The following SYNM variants were observed in gnomAD, a reference collection of about 807,000 sequenced individuals.
SYNM encodes desmuslin.
A neutral mutation model predicts 104.0 loss-of-function variants in SYNM; 95 were observed. That is an observed-to-expected ratio of 0.91 (90% CI 0.77 to 1.08). The LOEUF (loss-of-function observed/expected upper bound fraction) is 1.08. Ranked by LOEUF, SYNM falls within the 50% of genes least tolerant of loss-of-function variation. SYNM has a pLI of 0.00. For missense variants in SYNM, 2,150 were observed against 2,052.2 expected, an observed-to-expected ratio of 1.05 and a Z score of -0.92; for synonymous variants, 918 against 869.0, an observed-to-expected ratio of 1.06 and a Z score of -0.99.
intron 1 of SYNM, among the ~76,000 whole-genome samples, chr15:99,112,584 A>G (rs1430526064): frequency 1.3e-5 from 2 of 152,250 alleles, no homozygotes; most frequent in Non-Finnish European, 2.9e-5. Context: ...AGAAGGCCGC[A>G]GTATCTCCCT....
intron 2 of SYNM, among the ~76,000 whole-genome samples, chr15:99,126,444 C>A (rs2242075): frequency 3.9e-5 from 6 of 152,248 alleles, no homozygotes; most frequent in Non-Finnish European, 5.9e-5. Flanking sequence ...AAGCCCTGGC[C>A]TGGTCATTTT....
chr15:99,139,698 GA>G (rs2067998876), downstream of SYNM: 23 of 1,375,766 alleles, frequency 1.7e-5, no homozygotes, highest in Non-Finnish European at 2.1e-5. Context: ...GTACTGACCA[GA>G]GGATGGGCTC....
chr15:99,122,697 G>A (rs1257230363), intron 2 of SYNM, among the ~76,000 whole-genome samples: 1 of 152,134 alleles, frequency 6.6e-6, no homozygotes, highest in African/African-American at 2.4e-5. Flanking sequence ...CAACTATTTG[G>A]GTGTGGTGGC....
At chr15:99,138,868 G>A (rs1555488556), downstream of SYNM, among the ~76,000 whole-genome samples, 3 of 152,228 alleles carry the variant, frequency 2.0e-5, no homozygotes, top group African/African-American at 7.2e-5. Context: ...GCTCTGTGAG[G>A]TAGGCCCTCC....
In SYNM at chr15:99,131,268, G is replaced by A. The variant is rs552082607; in HGVS notation, c.2908G>A (p.Ala970Thr). The A allele has an allele frequency of 1.5e-5, 24 of 1,611,342 alleles. No homozygotes were observed. Among genetic ancestry groups the A allele is most frequent in the Admixed American group, 1.0e-4 (6 of 59,642 alleles). The part of the protein sequence containing the change: ...LPERMREELS[A>T]LTREGQGGPG... ...CGAGCGCATGAGGGAGGAGCTGTCC[G>A]CCCTCACCAGAGAGGGGCAGGGTGG... is the stretch of plus-strand genomic sequence containing the variant. The change falls in exon 4 of 4, where the codon GCC (alanine) becomes ACC (threonine). Residue 970 changes from alanine to threonine, a missense_variant. Transcript: ENST00000336292. This position sits in a 1 kb window ranked among gnomAD's most constrained non-coding sequence, Gnocchi z 4.3.
intron 3 of SYNM, 51 bp from the exon 4 acceptor site, chr15:99,129,316 A>C: frequency 6.3e-7 from 1 of 1,587,460 alleles, no homozygotes; most frequent in Non-Finnish European, 8.6e-7. Context: ...GTAGATGGAA[A>C]AGGGTAATGA....
At position 99,132,844 on chromosome 15, in the gene SYNM, G is replaced by A. The variant is rs2067527127; in HGVS notation, c.4484G>A (p.Ser1495Asn). 6.2e-7 allele frequency: 1 copy of A among 1,613,978 alleles called. No homozygotes were observed. Among genetic ancestry groups the A allele is most frequent in the Non-Finnish European group, 8.5e-7 (1 of 1,179,884 alleles). The change falls in exon 4 of 4, where the codon AGT becomes AAT. Residue 1495 changes from serine to asparagine, a missense_variant. Physicochemically the swap from Ser to Asn is conservative, Grantham distance 46. Transcript: ENST00000336292. ...SDRGSWRDAD[S>N]RNDQAVGVSF... ...CGTGGTTCCTGGAGAGACGCGGACAGTAGGAATGACCAGGCAGTTGGTGTG... is the reference window on the plus strand; with the variant it reads ...CGTGGTTCCTGGAGAGACGCGGACAATAGGAATGACCAGGCAGTTGGTGTG...
rs782457136 is a variant in SYNM, at chr15:99,130,802, CG to C, written c.2443del (p.Val815TrpfsTer4). The C allele has an allele frequency of 3.1e-6, 5 of 1,613,814 alleles. No individual in the cohort carries two copies. ...TKQPQENTTH[V>X]EEVTEAGDSE... ...AGCAGCCTCAGGAGAACACGACTCA[CG>C]TGGAAGAAGTGACAGAGGCAGGTGA... On this transcript the variant is annotated frameshift_variant, in exon 4 of 4. Coordinates refer to ENST00000336292, the MANE Select transcript of SYNM (RefSeq NM_145728.3). LOFTEE classifies it high-confidence loss of function.
chr15:99,115,602 C>T (rs1295518042), intron 2 of SYNM, among the ~76,000 whole-genome samples: 1 of 151,772 alleles, frequency 6.6e-6, no homozygotes, highest in Non-Finnish European at 1.5e-5. Flanking sequence ...GCTGGGACTA[C>T]AGGCCCCTGC....
rs1555482556 is a variant in SYNM at position 99,105,703 on chromosome 15, C to G, written c.504C>G (p.Ala168=). ...CCAGCCTTACCATGCATTTCCGCGC[C>G]CGCGCCACCGGCCCCGCCGCGCCGC... The part of the protein sequence containing the change: ...RAASLTMHFR[A]RATGPAAPPP... The change falls in exon 1 of 4, where the codon GCC becomes GCG. Residue 168 remains alanine (A), a synonymous_variant. Coordinates refer to ENST00000336292, the MANE Select transcript of SYNM (RefSeq NM_145728.3). The G allele has an allele frequency of 6.7e-7, 1 of 1,487,802 alleles. No individual in the cohort carries two copies. Among genetic ancestry groups the G allele is most frequent in the East Asian group, 2.8e-5 (1 of 35,366 alleles). 92.2% of individuals were successfully genotyped at this position (1,487,802 alleles called of 1,614,324 possible).
rs782328262 is a variant in SYNM at position 99,132,858 on chromosome 15, G to A, written c.4498G>A (p.Ala1500Thr). ...WRDADSRNDQ[A>T]VGVSFKASAG... is the part of the protein sequence containing the mutation. ...AGACGCGGACAGTAGGAATGACCAG[G>A]CAGTTGGTGTGAGCTTTAAGGCCTC... Residue 1500 changes from alanine to threonine, a missense_variant, in exon 4 of 4, where the codon GCA (alanine) becomes ACA (threonine). Ala to Thr is a moderately conservative substitution (Grantham distance 58). Transcript: ENST00000336292. The A allele has an allele frequency of 4.6e-5, 74 of 1,613,940 alleles. No homozygotes were observed. The African/African-American group carries it at 7.7e-4, about 17-fold the overall frequency.
rs782136413 is a variant in SYNM, at chr15:99,132,743, C to G, written c.4383C>G (p.Thr1461=). The change falls in exon 4 of 4, where the codon ACC becomes ACG. Residue 1461 remains threonine (T), a synonymous_variant. Coordinates refer to ENST00000336292, the MANE Select transcript of SYNM (RefSeq NM_145728.3). ...CAGGGCCCAAAGAAACTTCGTTTAC[C>G]TTTCAGATGGATGTGAGTAACGTAG... ...IAPGPKETSF[T]FQMDVSNVEA... 1.2e-6 allele frequency: 2 copies of G among 1,613,812 alleles called. No homozygotes were observed. Among genetic ancestry groups the G allele is most frequent in the East Asian group, 2.2e-5 (1 of 44,876 alleles).
At chr15:99,116,259 G>T (rs1284743593) in intron 2 of SYNM, among the ~76,000 whole-genome samples, 1 of 152,226 alleles carries the variant, frequency 6.6e-6, no homozygotes, top group Admixed American at 6.5e-5. Context: ...AATTAAATTG[G>T]TAGGGCATTG....
chr15:99,128,060 TAGAG>T lies in SYNM; in HGVS notation c.1006+1270_1006+1273del, dbSNP rs2067463853. Among the ~76,000 whole-genome samples, 3 of 152,252 alleles carry T rather than the reference TAGAG, an allele frequency of 2.0e-5. No homozygotes were observed. In the East Asian group the frequency reaches 5.8e-4, roughly 29 times the overall value. On this transcript the variant is annotated intron_variant, in intron 3 of 3. Coordinates refer to ENST00000336292, the MANE Select transcript of SYNM (RefSeq NM_145728.3). ...TATTTTTCAAGCTTCTTGAAGGAAA[TAGAG>T]ACTTAATATTTGTAAACTAAATTTA...
intron 2 of SYNM, among the ~76,000 whole-genome samples, chr15:99,116,032 A>G (rs1438410336): frequency 6.6e-6 from 1 of 152,240 alleles, no homozygotes; most frequent in Non-Finnish European, 1.5e-5. Flanking sequence ...CATGGAGTCC[A>G]TGGAGGAGCC....
chr15:99,129,065 T>C, intron 3 of SYNM: 1 of 326,874 alleles, frequency 3.1e-6, no homozygotes, highest in Non-Finnish European at 5.6e-6. Flanking sequence ...ACCTCTGACC[T>C]CTCTGGGATA....
chr15:99,132,875 T>A lies in SYNM; in HGVS notation c.4515T>A (p.Phe1505Leu). The A allele has an allele frequency of 6.2e-7, 1 of 1,613,788 alleles. No individual in the cohort carries two copies. Among genetic ancestry groups the A allele is most frequent in the Non-Finnish European group, 8.5e-7 (1 of 1,179,836 alleles). The change falls in exon 4 of 4, where the codon TTT becomes TTA. Residue 1505 changes from phenylalanine (F) to leucine (L), a missense_variant. By Grantham distance (22) the Phe-to-Leu change is conservative (BLOSUM62 0). Coordinates refer to ENST00000336292, the MANE Select transcript of SYNM (RefSeq NM_145728.3). ...ATGACCAGGCAGTTGGTGTGAGCTT[T>A]AAGGCCTCTGCTGGGGAAGGAGACC... ...SRNDQAVGVS[F>L]KASAGEGDQA...
chr15:99,106,700 A>G (rs2067248095), intron 1 of SYNM, among the ~76,000 whole-genome samples: 1 of 152,194 alleles, frequency 6.6e-6, no homozygotes, highest in Non-Finnish European at 1.5e-5. Flanking sequence ...GAGTGATATA[A>G]ACAGTTACTA....
rs2067536440 is a variant in SYNM at position 99,133,726 on chromosome 15, T to C, written c.*668T>C. 1.3e-5 allele frequency: 2 copies of C among 153,324 alleles called. No individual in the cohort carries two copies. The highest frequency in any genetic ancestry group is 2.9e-5 in the Non-Finnish European group (2 of 68,562). 9.5% of individuals were successfully genotyped at this position (153,324 alleles called of 1,614,324 possible). On this transcript the variant is annotated 3_prime_UTR_variant, in exon 4 of 4. Transcript: ENST00000336292. ...TGTAGTCTGTTGTGATATTTCACAT[T>C]CTATTTGCACAGGTTCCCTGGCACT... is the stretch of plus-strand genomic sequence containing the variant.
Sources: gnomAD v4.1 joint callset for allele counts (sites outside exome capture counted in the v4.1 genomes callset) on GRCh38, gnomAD v4.1.1 for gene constraint, Gnocchi (gnomAD v3.1) non-coding constraint, MANE v1.5 for transcripts, NCBI Gene and HGNC (gene_info 2026-07-23, HGNC 2026-07-21) for gene names.